Variants in ASTN1 observed in about 807,000 individuals in gnomAD.
The protein encoded by ASTN1 is astrotactin-1.
ASTN1 carries 41 observed loss-of-function variants against 140.7 expected under a neutral mutation model. The observed-to-expected ratio is 0.29, with a 90% CI of 0.23 to 0.38. ASTN1 has a LOEUF of 0.38. ASTN1 is among the 10% of genes least tolerant of loss of function. The pLI, the probability that ASTN1 is intolerant of heterozygous loss-of-function variation, is 1.00. For synonymous variants in ASTN1, 640 were observed against 652.2 expected (o/e 0.98, Z 0.29); for missense variants, 1,479 against 1,678.8 (o/e 0.88, Z 2.08).
At chr1:177,051,903 G>A (rs1422043985) in intron 2 of ASTN1, among the ~76,000 whole-genome samples, 1 of 152,126 alleles carries the variant, frequency 6.6e-6, no homozygotes, top group African/African-American at 2.4e-5. Flanking sequence ...ATGACATCAC[G>A]TGGTTTGATT....
At chr1:177,104,180 T>A (rs1680436973) in intron 1 of ASTN1, among the ~76,000 whole-genome samples, 1 of 152,040 alleles carries the variant, frequency 6.6e-6, no homozygotes, top group South Asian at 2.1e-4. Context: ...CAGCACAGAC[T>A]TCAGTCACAG....
At chr1:177,023,268 G>T in intron 7 of ASTN1, 136 bp downstream of exon 7, 2 of 1,124,886 alleles carry the variant, frequency 1.8e-6, no homozygotes, top group Non-Finnish European at 2.5e-6. Flanking sequence ...CCAACCACAT[G>T]CAGGCAGTCC....
At chr1:177,088,893 T>C (rs1233805200) in intron 1 of ASTN1, among the ~76,000 whole-genome samples, 1 of 152,034 alleles carries the variant, frequency 6.6e-6, no homozygotes, top group East Asian at 1.9e-4. Context: ...TAAAACAGGG[T>C]ATTAAAAATA....
intron 8 of ASTN1, among the ~76,000 whole-genome samples, chr1:176,990,245 G>T (rs938487664): frequency 7.8e-6 from 1 of 128,204 alleles, no homozygotes; most frequent in Non-Finnish European, 1.7e-5. Context: ...GGGTGGGGGG[G>T]TGGGTGGGGA....
chr1:177,129,623 G>T (rs901511804), intron 1 of ASTN1, among the ~76,000 whole-genome samples: 2 of 152,186 alleles, frequency 1.3e-5, no homozygotes, highest in African/African-American at 4.8e-5. Context: ...ACCCAGTGAC[G>T]TGCTAAAAGT....
At chr1:176,867,548 A>G (rs1455089046) in intron 22 of ASTN1, among the ~76,000 whole-genome samples, 1 of 152,060 alleles carries the variant, frequency 6.6e-6, no homozygotes, top group Non-Finnish European at 1.5e-5. Context: ...AATCCCTTAC[A>G]TTTTTCTCTC....
intron 20 of ASTN1, 140 bp from the exon 21 acceptor site, chr1:176,876,777 C>T (rs1668584828): frequency 1.3e-6 from 1 of 749,634 alleles, no homozygotes; most frequent in Non-Finnish European, 2.2e-6. Context: ...GTCACGTTTA[C>T]TGCCACCATC....
chr1:177,100,516 C>A (rs1680249481), intron 1 of ASTN1, among the ~76,000 whole-genome samples: 1 of 152,002 alleles, frequency 6.6e-6, no homozygotes, highest in Admixed American at 6.6e-5. Flanking sequence ...TTTTACTGTA[C>A]CATAAAAATG....
chr1:176,945,226 A>G (rs1309318424), intron 13 of ASTN1, among the ~76,000 whole-genome samples: 1 of 152,188 alleles, frequency 6.6e-6, no homozygotes, highest in Non-Finnish European at 1.5e-5. Flanking sequence ...AAATAATTGA[A>G]GGCCCCAAGT....
chr1:176,991,436 C>CAAAAAAAAAAAAAAAAAAAAAAAAACA (rs1173420812), intron 8 of ASTN1, among the ~76,000 whole-genome samples: 1 of 13,822 alleles, frequency 7.2e-5, no homozygotes, highest in African/African-American at 2.1e-4. Context: ...AAAAAAAAAC[C>CAAAAAAAAAAAAAAAAAAAAAAAAACA]AAAAAAAAAA....
intron 1 of ASTN1, among the ~76,000 whole-genome samples, chr1:177,135,897 G>A (rs1337888084): frequency 6.6e-6 from 1 of 152,108 alleles, no homozygotes; most frequent in Non-Finnish European, 1.5e-5. Flanking sequence ...ATATCCTCAG[G>A]TGATTCATAT....
At chr1:177,024,196 A>G (rs181367048) in intron 6 of ASTN1, among the ~76,000 whole-genome samples, 1 of 152,356 alleles carries the variant, frequency 6.6e-6, no homozygotes, top group East Asian at 1.9e-4. Context: ...TCACCCAGGC[A>G]TACAAAACCA....
chr1:176,911,026 G>C (rs766040417), intron 16 of ASTN1, among the ~76,000 whole-genome samples: 19 of 152,190 alleles, frequency 1.2e-4, no homozygotes, highest in Non-Finnish European at 2.4e-4. Flanking sequence ...AAAGGTGGGG[G>C]ATCACTGGTG....
At chr1:177,033,505 C>G (rs1425494705) in intron 2 of ASTN1, among the ~76,000 whole-genome samples, 1 of 152,220 alleles carries the variant, frequency 6.6e-6, no homozygotes, top group Non-Finnish European at 1.5e-5. Context: ...ATGTCTCCAT[C>G]TGAATAACTG....
chr1:177,162,312 C>T (rs963367792), intron 1 of ASTN1, among the ~76,000 whole-genome samples: 5 of 152,186 alleles, frequency 3.3e-5, no homozygotes, highest in African/African-American at 1.2e-4. Context: ...GAATAAGTAC[C>T]AGCCCTTCTC....
chr1:176,868,760 C>A, intron 22 of ASTN1, 84 bp downstream of exon 22: 1 of 1,389,410 alleles, frequency 7.2e-7, no homozygotes, highest in Non-Finnish European at 9.7e-7. Flanking sequence ...GAAATCTCTA[C>A]AACTTCATGG....
At chr1:176,927,881 C>T (rs1361720264) in intron 16 of ASTN1, among the ~76,000 whole-genome samples, 1 of 152,068 alleles carries the variant, frequency 6.6e-6, no homozygotes, top group Non-Finnish European at 1.5e-5. Context: ...ATAACAGTGG[C>T]AGATGCTTGT....
At chr1:177,156,335 A>G (rs1360213047) in intron 1 of ASTN1, among the ~76,000 whole-genome samples, 1 of 151,800 alleles carries the variant, frequency 6.6e-6, no homozygotes, top group Non-Finnish European at 1.5e-5. Flanking sequence ...TGATTCTAGA[A>G]TAGGGGCAGG....
chr1:177,017,365 C>G (rs1195750445), intron 7 of ASTN1, among the ~76,000 whole-genome samples: 2 of 152,170 alleles, frequency 1.3e-5, no homozygotes, highest in Admixed American at 6.5e-5. Flanking sequence ...TTTCTGGAAC[C>G]CACCAAGCAT....
Sources: allele counts gnomAD v4.1 joint callset (sites outside exome capture counted in the v4.1 genomes callset), GRCh38; gene constraint gnomAD v4.1.1; transcripts MANE v1.5; gene names NCBI Gene and HGNC (gene_info 2026-07-23, HGNC 2026-07-21).